Variants in KIAA1328 observed in about 807,000 individuals in gnomAD.
The protein encoded by KIAA1328 is KIAA1328.
KIAA1328 carries 52 observed loss-of-function variants against 68.1 expected under a neutral mutation model. The ratio of observed to expected loss-of-function variants is 0.76; its 90% confidence interval spans 0.61 to 0.96. The LOEUF (loss-of-function observed/expected upper bound fraction) is 0.96, where lower values mean the gene tolerates loss of function less well. Ranked by LOEUF, KIAA1328 falls within the 40% of genes least tolerant of loss-of-function variation. The probability of loss-of-function intolerance (pLI) is 0.00; values close to 1 mark genes in which losing one functional copy is unlikely to be tolerated. For synonymous variants in KIAA1328, 232 were observed against 239.4 expected (o/e 0.97, Z 0.28); for missense variants, 641 against 677.6 (o/e 0.95, Z 0.60).
At chr18:37,091,567 G>A (rs2057268579) in intron 7 of KIAA1328, among the ~76,000 whole-genome samples, 2 of 152,106 alleles carry the variant, frequency 1.3e-5, no homozygotes, top group African/African-American at 4.8e-5. Flanking sequence ...CATCAAGAGA[G>A]TTGATACTGG....
intron 3 of KIAA1328, among the ~76,000 whole-genome samples, chr18:36,841,393 A>G (rs998424934): frequency 7.3e-5 from 11 of 151,552 alleles, no homozygotes; most frequent in Non-Finnish European, 1.3e-4. Context: ...GACTGCCAGT[A>G]TTGGGTCAAT....
chr18:36,993,325 G>C (rs1227864231), intron 6 of KIAA1328, among the ~76,000 whole-genome samples: 2 of 152,160 alleles, frequency 1.3e-5, no homozygotes, highest in Non-Finnish European at 2.9e-5. Context: ...CACATATCCT[G>C]TTTCTGTAGT....
chr18:36,892,559 G>T (rs1022176815), intron 5 of KIAA1328, among the ~76,000 whole-genome samples: 5 of 151,854 alleles, frequency 3.3e-5, no homozygotes, highest in African/African-American at 1.2e-4. Context: ...ACTTGGATAG[G>T]GCCACTTCGT....
intron 6 of KIAA1328, among the ~76,000 whole-genome samples, chr18:36,984,639 C>T (rs1487309901): frequency 6.6e-6 from 1 of 152,052 alleles, no homozygotes; most frequent in Non-Finnish European, 1.5e-5. Context: ...AGTGGTGGCT[C>T]ATTCATGCCT....
At chr18:37,021,797 G>C (rs1276025848) in intron 6 of KIAA1328, among the ~76,000 whole-genome samples, 1 of 151,900 alleles carries the variant, frequency 6.6e-6, no homozygotes, top group Non-Finnish European at 1.5e-5. Flanking sequence ...CCAGCACTTT[G>C]GGAGGCCGGG....
chr18:36,999,699 A>T (rs1249630765), intron 6 of KIAA1328, among the ~76,000 whole-genome samples: 4 of 152,188 alleles, frequency 2.6e-5, no homozygotes, highest in African/African-American at 7.2e-5. Context: ...TAAAGGAAGG[A>T]TAAATAAAAT....
chr18:37,038,140 T>C (rs1366749990), intron 6 of KIAA1328, among the ~76,000 whole-genome samples: 2 of 151,782 alleles, frequency 1.3e-5, no homozygotes, highest in African/African-American at 2.4e-5. Context: ...ATGGCTGCCA[T>C]GTCAAACACG....
At chr18:36,937,634 TAAG>T (rs1421791650) in intron 5 of KIAA1328, among the ~76,000 whole-genome samples, 17 of 152,194 alleles carry the variant, frequency 1.1e-4, no homozygotes, top group East Asian at 3.9e-4. Flanking sequence ...AAATAATAAT[TAAG>T]AAGTATGTTT....
intron 5 of KIAA1328, among the ~76,000 whole-genome samples, chr18:36,915,980 A>G (rs1341722053): frequency 2.6e-5 from 4 of 152,210 alleles, no homozygotes; most frequent in African/African-American, 9.6e-5. Context: ...ACTGTTTCTG[A>G]TAAGTGTGTC....
intron 7 of KIAA1328, among the ~76,000 whole-genome samples, chr18:37,159,817 A>G (rs1268676640): frequency 6.6e-6 from 1 of 152,150 alleles, no homozygotes; most frequent in African/African-American, 2.4e-5. Flanking sequence ...CACATTGGTG[A>G]TATTTTAATC....
chr18:37,043,424 T>G (rs1274337723), intron 6 of KIAA1328, among the ~76,000 whole-genome samples: 1 of 152,234 alleles, frequency 6.6e-6, no homozygotes, highest in African/African-American at 2.4e-5. Flanking sequence ...GTCATTTTGT[T>G]GTTTTAGTGA....
chr18:37,193,603 C>T (rs1327576180), intron 9 of KIAA1328: 1 of 702,532 alleles, frequency 1.4e-6, no homozygotes, highest in African/African-American at 1.7e-5. Context: ...CAGGAATCTC[C>T]ACAAAGATCT....
At chr18:37,123,430 A>G (rs2058319065) in intron 7 of KIAA1328, among the ~76,000 whole-genome samples, 1 of 152,226 alleles carries the variant, frequency 6.6e-6, no homozygotes, top group South Asian at 2.1e-4. Context: ...AAGGGAGAAA[A>G]GTCAATAGAG....
intron 5 of KIAA1328, among the ~76,000 whole-genome samples, chr18:36,887,979 T>A (rs2048556726): frequency 6.6e-6 from 1 of 152,184 alleles, no homozygotes; most frequent in South Asian, 2.1e-4. Flanking sequence ...TTTGTGGTTA[T>A]CTGGAAAAGT....
chr18:37,160,702 T>C (rs2059261456), intron 8 of KIAA1328, among the ~76,000 whole-genome samples: 1 of 152,162 alleles, frequency 6.6e-6, no homozygotes, highest in African/African-American at 2.4e-5. Flanking sequence ...ATATTGAACA[T>C]AAATCTCTCC....
At chr18:36,982,125 T>C (rs974040405) in intron 6 of KIAA1328, among the ~76,000 whole-genome samples, 7 of 134,758 alleles carry the variant, frequency 5.2e-5, no homozygotes, top group African/African-American at 1.8e-4. Context: ...AATATATAAA[T>C]ATATTATAAA....
At chr18:37,214,306 CT>C (rs1341706700) in intron 9 of KIAA1328, among the ~76,000 whole-genome samples, 1 of 152,176 alleles carries the variant, frequency 6.6e-6, no homozygotes, top group Middle Eastern at 3.4e-3. Flanking sequence ...GTCTTTAATC[CT>C]TTTTGAATTA....
At chr18:36,909,236 A>T (rs1024817246) in intron 5 of KIAA1328, among the ~76,000 whole-genome samples, 1 of 151,878 alleles carries the variant, frequency 6.6e-6, no homozygotes, top group Admixed American at 6.6e-5. Context: ...GCACCCATTA[A>T]CTCGTCATTT....
At chr18:36,879,666 T>C (rs2048264639) in intron 4 of KIAA1328, among the ~76,000 whole-genome samples, 1 of 152,146 alleles carries the variant, frequency 6.6e-6, no homozygotes, top group Non-Finnish European at 1.5e-5. Context: ...CCCAGGGAGA[T>C]GGGAGTTTTA....
Sources: gnomAD v4.1 joint callset for allele counts (sites outside exome capture counted in the v4.1 genomes callset) on GRCh38, gnomAD v4.1.1 for gene constraint, MANE v1.5 for transcripts, NCBI Gene and HGNC (gene_info 2026-07-23, HGNC 2026-07-21) for gene names.